The following GALNT18 variants were observed in gnomAD, a reference collection of about 807,000 sequenced individuals.
The protein encoded by GALNT18 is polypeptide N-acetylgalactosaminyltransferase 18.
In GALNT18, 44 loss-of-function variants were observed where a neutral mutation model predicts 69.5. That is an observed-to-expected ratio of 0.63 (90% CI 0.50 to 0.81). GALNT18 has a LOEUF of 0.81. GALNT18 is among the 40% of genes least tolerant of loss of function. The probability of loss-of-function intolerance (pLI) is 0.00; values close to 1 mark genes in which losing one functional copy is unlikely to be tolerated. For missense variants in GALNT18, 715 were observed against 810.0 expected, an observed-to-expected ratio of 0.88 and a Z score of 1.42; for synonymous variants, 364 against 318.2, an observed-to-expected ratio of 1.14 and a Z score of -1.53.
intron 5 of GALNT18, among the ~76,000 whole-genome samples, chr11:11,374,806 T>C (rs890662179): frequency 2.0e-5 from 3 of 152,206 alleles, no homozygotes; most frequent in Non-Finnish European, 4.4e-5. Flanking sequence ...GACCTAAAGA[T>C]TGCAACAAAT....
chr11:11,385,787 T>C (rs1178595505), intron 3 of GALNT18, among the ~76,000 whole-genome samples: 5 of 152,146 alleles, frequency 3.3e-5, no homozygotes, highest in Non-Finnish European at 7.4e-5. Context: ...TGCTGAAATC[T>C]GAAACCCTAA....
At chr11:11,611,546 G>C (rs536170853) in intron 1 of GALNT18, among the ~76,000 whole-genome samples, 84 of 152,334 alleles carry the variant, frequency 5.5e-4, no homozygotes, top group African/African-American at 2.0e-3. Context: ...ATTCACCACT[G>C]TGAGAAGCCT....
intron 3 of GALNT18, among the ~76,000 whole-genome samples, chr11:11,397,840 G>T (rs1854370720): frequency 6.6e-6 from 1 of 152,180 alleles, no homozygotes; most frequent in Non-Finnish European, 1.5e-5. Flanking sequence ...GCAGTTGATT[G>T]GGCTCTGTTA....
chr11:11,471,895 C>A (rs1433982585), intron 1 of GALNT18, among the ~76,000 whole-genome samples: 1 of 152,228 alleles, frequency 6.6e-6, no homozygotes, highest in Non-Finnish European at 1.5e-5. Flanking sequence ...GCCTGGCCCT[C>A]CCCATCAGCA....
In GALNT18 at chr11:11,621,650, G is replaced by T; in HGVS notation, c.-57C>A. 2 of 1,332,854 alleles carry T rather than the reference G, an allele frequency of 1.5e-6. No individual in the cohort carries two copies. Among genetic ancestry groups the T allele is most frequent in the Non-Finnish European group, 1.0e-6 (1 of 956,980 alleles). 82.6% of individuals were successfully genotyped at this position (1,332,854 alleles called of 1,614,324 possible). A position where few individuals can be genotyped will look rare whatever the true frequency, so the allele number is the denominator to read the frequency against. On this transcript the variant is annotated 5_prime_UTR_variant, in exon 1 of 11. Coordinates refer to ENST00000227756, the MANE Select transcript of GALNT18 (RefSeq NM_198516.3). This position sits in a 1 kb window ranked among gnomAD's most constrained non-coding sequence, Gnocchi z 9.3. Reference sequence around the variant, plus strand: ...GGGGCCCTTCCTTGTCGTGCGCCCCGAACTCCCCCGCGCTCGCACCCCGTA... The same window carrying T: ...GGGGCCCTTCCTTGTCGTGCGCCCCTAACTCCCCCGCGCTCGCACCCCGTA...
intron 1 of GALNT18, among the ~76,000 whole-genome samples, chr11:11,578,646 C>A (rs1858990559): frequency 6.6e-6 from 1 of 152,208 alleles, no homozygotes; most frequent in South Asian, 2.1e-4. Context: ...GAGACCCCAC[C>A]TCCCGGGTCA....
intron 7 of GALNT18, among the ~76,000 whole-genome samples, chr11:11,334,182 T>C (rs962974263): frequency 6.6e-6 from 1 of 152,174 alleles, no homozygotes; most frequent in African/African-American, 2.4e-5. Context: ...ATCACAAAAA[T>C]GGCTGCATTT....
chr11:11,291,433 T>C (rs1849294556), intron 10 of GALNT18, among the ~76,000 whole-genome samples: 1 of 152,090 alleles, frequency 6.6e-6, no homozygotes, highest in Non-Finnish European at 1.5e-5. Context: ...CTATCACATC[T>C]GGGTTTGGTG....
chr11:11,441,710 T>A (rs1249832112), intron 2 of GALNT18, among the ~76,000 whole-genome samples: 2 of 152,182 alleles, frequency 1.3e-5, no homozygotes, highest in South Asian at 4.1e-4. Context: ...GGCTCGTGAA[T>A]CTTTCGCTCA....
chr11:11,520,407 G>A lies in GALNT18; in HGVS notation c.236-71471C>T, dbSNP rs114292521. 5.1e-3 allele frequency among the ~76,000 whole-genome samples: 777 copies of A among 152,296 alleles called. 4 individuals are homozygous for A. Among genetic ancestry groups the A allele is most frequent in the African/African-American group, 0.018 (745 of 41,570 alleles). On this transcript the variant is annotated intron_variant, in intron 1 of 10. Transcript: ENST00000227756. ...TAGTGTGAGCATGCCCACTGCACCC[G>A]TCAGCCACAGACACAGCCCCTGGGA...
At position 11,600,073 on chromosome 11, in the gene GALNT18, C is replaced by A. The variant is rs1367314097; in HGVS notation, c.235+21286G>T. ...TTCCCTCCTCCATATTTTTGTGCTT[C>A]CTGTTAATATATATTACATTTCTAT... On this transcript the variant is annotated intron_variant, in intron 1 of 10. Coordinates refer to ENST00000227756, the MANE Select transcript of GALNT18 (RefSeq NM_198516.3). This position sits in a 1 kb window ranked among gnomAD's most constrained non-coding sequence, Gnocchi z 4.8. 6.6e-6 allele frequency among the ~76,000 whole-genome samples: 1 copy of A among 151,968 alleles called. No individual in the cohort carries two copies. Among genetic ancestry groups the A allele is most frequent in the East Asian group, 1.9e-4 (1 of 5,194 alleles).
intron 6 of GALNT18, among the ~76,000 whole-genome samples, chr11:11,370,588 G>GAA (rs67012287): frequency 0.097 from 14,070 of 145,614 alleles, 806 homozygotes; most frequent in South Asian, 0.15. Flanking sequence ...AGAGATGGAG[G>GAA]AAAAAAAAAA....
At chr11:11,363,913 G>A (rs990588722) in intron 6 of GALNT18, among the ~76,000 whole-genome samples, 3 of 152,096 alleles carry the variant, frequency 2.0e-5, no homozygotes, top group African/African-American at 7.2e-5. Context: ...AAGGACCCAT[G>A]GACAAATGTC....
chr11:11,379,353 C>T, intron 3 of GALNT18, 89 bp from the exon 4 acceptor site: 2 of 1,320,674 alleles, frequency 1.5e-6, no homozygotes, highest in South Asian at 2.8e-5. Context: ...AGTGATGACC[C>T]CCAGAGAAAG....
chr11:11,333,785 C>A (rs1850060707), intron 7 of GALNT18, among the ~76,000 whole-genome samples: 1 of 152,092 alleles, frequency 6.6e-6, no homozygotes, highest in African/African-American at 2.4e-5. Flanking sequence ...GAGAAGCCCC[C>A]TTCCTCATAT....
intron 6 of GALNT18, among the ~76,000 whole-genome samples, chr11:11,368,964 A>C (rs1850835433): frequency 6.6e-6 from 1 of 152,254 alleles, no homozygotes; most frequent in African/African-American, 2.4e-5. Flanking sequence ...CTGGGTTAAA[A>C]GGCTCTTTCT....
chr11:11,544,879 G>T (rs1858011218), intron 1 of GALNT18, among the ~76,000 whole-genome samples: 1 of 152,206 alleles, frequency 6.6e-6, no homozygotes, highest in Non-Finnish European at 1.5e-5. Flanking sequence ...GTCCAGAGAG[G>T]CTAAGTAACT....
At chr11:11,285,933 G>A (rs1849184169) in intron 10 of GALNT18, among the ~76,000 whole-genome samples, 1 of 152,186 alleles carries the variant, frequency 6.6e-6, no homozygotes, top group Admixed American at 6.5e-5. Context: ...AGGCAACTTT[G>A]GCTAGGGGCT....
At position 11,603,095 on chromosome 11, in the gene GALNT18, C is replaced by A. The variant is rs1255085539; in HGVS notation, c.235+18264G>T. Among the ~76,000 whole-genome samples the A allele has an allele frequency of 2.0e-5, 3 of 152,208 alleles. No individual in the cohort carries two copies. Among genetic ancestry groups the A allele is most frequent in the Admixed American group, 1.3e-4 (2 of 15,286 alleles). Reference sequence around the variant, plus strand: ...GTACAAAGTCTTCTTTGAAAGGAGGCAATTCTAAGTTATGTCTTCCCATCA... The same window carrying A: ...GTACAAAGTCTTCTTTGAAAGGAGGAAATTCTAAGTTATGTCTTCCCATCA... On this transcript the variant is annotated intron_variant, in intron 1 of 10. Coordinates refer to ENST00000227756, the MANE Select transcript of GALNT18 (RefSeq NM_198516.3). The surrounding 1 kb of genome is among the most constrained non-coding windows in gnomAD (Gnocchi z 4.5).
Sources: gnomAD v4.1 joint callset for allele counts (sites outside exome capture counted in the v4.1 genomes callset) on GRCh38, gnomAD v4.1.1 for gene constraint, Gnocchi (gnomAD v3.1) non-coding constraint, MANE v1.5 for transcripts, NCBI Gene and HGNC (gene_info 2026-07-23, HGNC 2026-07-21) for gene names.